The following FAT3 variants were observed in gnomAD, a reference collection of about 807,000 sequenced individuals.
FAT3 encodes the protein protocadherin Fat 3.
FAT3 carries 95 observed loss-of-function variants against 310.2 expected under a neutral mutation model. That is an observed-to-expected ratio of 0.31 (90% CI 0.26 to 0.36). The LOEUF (loss-of-function observed/expected upper bound fraction) is 0.36. Ranked by LOEUF, FAT3 falls within the 10% of genes least tolerant of loss-of-function variation. The probability of loss-of-function intolerance (pLI) is 1.00; values close to 1 mark genes in which losing one functional copy is unlikely to be tolerated. For synonymous variants in FAT3, 2,314 were observed against 2,192.9 expected (o/e 1.06, Z -1.54); for missense variants, 5,408 against 5,715.6 (o/e 0.95, Z 1.74).
rs187378194 is a variant in FAT3, at chr11:92,808,959, G to T, written c.9248-884G>T. On this transcript the variant is annotated intron_variant, in intron 12 of 27. Coordinates refer to ENST00000525166, the MANE Select transcript of FAT3 (RefSeq NM_001367949.2). Reference sequence around the variant, plus strand: ...AAATAAATAAAATAAATAAATAAATGAATATAGGTAGCTTCATCCAAATAA... The same window carrying T: ...AAATAAATAAAATAAATAAATAAATTAATATAGGTAGCTTCATCCAAATAA... Among the ~76,000 whole-genome samples the T allele has an allele frequency of 1.2e-4, 18 of 152,066 alleles. No homozygotes were observed. In the East Asian group the frequency reaches 2.7e-3, roughly 23 times the overall value.
At chr11:92,658,320 A>G (rs1458148691) in intron 3 of FAT3, among the ~76,000 whole-genome samples, 1 of 152,202 alleles carries the variant, frequency 6.6e-6, no homozygotes, top group Non-Finnish European at 1.5e-5. Context: ...AGTTTGAACT[A>G]TTTAAAATTA....
intron 2 of FAT3, among the ~76,000 whole-genome samples, chr11:92,516,387 C>A (rs1953485201): frequency 6.6e-6 from 1 of 152,088 alleles, no homozygotes. Flanking sequence ...ACGACAAAAA[C>A]CACATGGTTA....
intron 1 of FAT3, among the ~76,000 whole-genome samples, chr11:92,268,294 A>G (rs912611040): frequency 6.6e-6 from 1 of 152,058 alleles, no homozygotes; most frequent in Admixed American, 6.6e-5. Context: ...TGTACTGCCA[A>G]TGCCCATACC....
Position 92,790,156 on chromosome 11 carries a change from G to T in FAT3, c.4549G>T (p.Val1517Leu), listed in dbSNP as rs148026488. ...ATTCCGGATTGACCCTAGCACTGGC[G>T]TGCTCTATACTGCCGAGAGGCTGGA... ...RKFRIDPSTG[V>L]LYTAERLDHE... The change falls in exon 8 of 28, where the codon GTG becomes TTG. Residue 1517 changes from valine (V) to leucine (L), a missense_variant. Physicochemically the swap from Val to Leu is conservative, Grantham distance 32 (BLOSUM62 1). Coordinates refer to ENST00000525166, the MANE Select transcript of FAT3 (RefSeq NM_001367949.2). 6.2e-6 allele frequency: 10 copies of T among 1,613,604 alleles called. No homozygotes were observed. The South Asian group carries it at 9.9e-5, about 16-fold the overall frequency.
At chr11:92,887,646 T>C (rs1213587961) in intron 25 of FAT3, among the ~76,000 whole-genome samples, 1 of 152,196 alleles carries the variant, frequency 6.6e-6, no homozygotes, top group Non-Finnish European at 1.5e-5. Context: ...AAAATGCACA[T>C]ACACCCAAAA....
In FAT3 at chr11:92,892,388, T is replaced by C. The variant is rs1382963464; in HGVS notation, c.*1275T>C. ...TCTGGTTCAGTTAACTTTATTTTGG[T>C]ACTGCCAATAAAGCAAAATTGTGCT... On this transcript the variant is annotated 3_prime_UTR_variant, in exon 28 of 28. Transcript: ENST00000525166. 6.6e-6 allele frequency: 1 copy of C among 151,046 alleles called. No individual in the cohort carries two copies. The highest frequency in any genetic ancestry group is 1.5e-5 in the Non-Finnish European group (1 of 67,896). The allele number at this position is 151,046 out of a possible 1,614,324, so 9.4% of individuals were successfully genotyped here. A position where few individuals can be genotyped will look rare whatever the true frequency, so the allele number is the denominator to read the frequency against.
At chr11:92,722,599 C>T (rs1443891014) in intron 4 of FAT3, among the ~76,000 whole-genome samples, 3 of 152,228 alleles carry the variant, frequency 2.0e-5, no homozygotes, top group Admixed American at 6.5e-5. Flanking sequence ...GTGGCTCTGA[C>T]CTCACATTTC....
intron 3 of FAT3, among the ~76,000 whole-genome samples, chr11:92,599,056 G>C (rs1280786025): frequency 6.6e-6 from 1 of 152,164 alleles, no homozygotes; most frequent in Non-Finnish European, 1.5e-5. Context: ...CATCAGATCT[G>C]GGGATAAGAA....
intron 3 of FAT3, among the ~76,000 whole-genome samples, chr11:92,615,040 A>G (rs1162325097): frequency 1.3e-5 from 2 of 152,192 alleles, no homozygotes; most frequent in African/African-American, 2.4e-5. Flanking sequence ...ATTTATTTCT[A>G]AAGTCTGTCT....
chr11:92,537,169 T>G (rs750684367), intron 3 of FAT3, among the ~76,000 whole-genome samples: 4 of 152,146 alleles, frequency 2.6e-5, no homozygotes, highest in Non-Finnish European at 5.9e-5. Context: ...GGAGCTGGTT[T>G]TGCGAAATGA....
chr11:92,617,284 A>T (rs543070913), intron 3 of FAT3, among the ~76,000 whole-genome samples: 9 of 152,176 alleles, frequency 5.9e-5, no homozygotes, highest in Non-Finnish European at 8.8e-5. Context: ...ACTGAAGCTC[A>T]TGCATTCATC....
At chr11:92,743,088 A>G (rs1004908017) in intron 4 of FAT3, among the ~76,000 whole-genome samples, 9 of 152,216 alleles carry the variant, frequency 5.9e-5, no homozygotes, top group African/African-American at 1.4e-4. Flanking sequence ...GAATTCTGCC[A>G]TCAAATATGT....
chr11:92,539,220 T>C (rs1269876233), intron 3 of FAT3, among the ~76,000 whole-genome samples: 1 of 152,198 alleles, frequency 6.6e-6, no homozygotes, highest in Non-Finnish European at 1.5e-5. Context: ...TTTATTAAAA[T>C]GTTTTATTAG....
At chr11:92,579,699 T>C (rs1938684054) in intron 3 of FAT3, among the ~76,000 whole-genome samples, 1 of 152,110 alleles carries the variant, frequency 6.6e-6, no homozygotes, top group African/African-American at 2.4e-5. Context: ...ATACCATTAC[T>C]ATTTTTCATA....
At chr11:92,856,769 C>T (rs144894025) in intron 19 of FAT3, among the ~76,000 whole-genome samples, 4 of 152,102 alleles carry the variant, frequency 2.6e-5, no homozygotes, top group African/African-American at 7.2e-5. Context: ...TGAAATCAAC[C>T]TCCAAGTTCT....
chr11:92,549,766 A>G (rs1954738907), intron 3 of FAT3, among the ~76,000 whole-genome samples: 1 of 152,220 alleles, frequency 6.6e-6, no homozygotes, highest in Admixed American at 6.5e-5. Flanking sequence ...GTTAGTAAAT[A>G]GAAGAATCAG....
intron 3 of FAT3, among the ~76,000 whole-genome samples, chr11:92,609,983 T>G (rs908363252): frequency 7.2e-5 from 11 of 152,184 alleles, no homozygotes; most frequent in Non-Finnish European, 1.5e-5. Context: ...CATTCAGGCT[T>G]CTCATTTTTG....
chr11:92,357,976 T>C (rs1409618795), intron 2 of FAT3, among the ~76,000 whole-genome samples: 3 of 150,224 alleles, frequency 2.0e-5, no homozygotes, highest in Non-Finnish European at 4.4e-5. Context: ...CCAGACTAGC[T>C]TGGTCAGTAT....
At chr11:92,247,362 C>T (rs191920977) in intron 1 of FAT3, among the ~76,000 whole-genome samples, 50 of 151,356 alleles carry the variant, frequency 3.3e-4, no homozygotes, top group East Asian at 1.4e-3. Flanking sequence ...GCTCCCGAAT[C>T]CCTGCTCCTT....
Sources: gnomAD v4.1 joint callset for allele counts (sites outside exome capture counted in the v4.1 genomes callset) on GRCh38, gnomAD v4.1.1 for gene constraint, MANE v1.5 for transcripts, NCBI Gene and HGNC (gene_info 2026-07-23, HGNC 2026-07-21) for gene names.